The following CALB2 variants were observed in gnomAD, a reference collection of about 807,000 sequenced individuals.
CALB2 encodes calbindin 2.
Under a neutral mutation model 45.9 loss-of-function variants are expected in CALB2, and 34 were observed. That is an observed-to-expected ratio of 0.74 (90% CI 0.56 to 0.99). The LOEUF (loss-of-function observed/expected upper bound fraction) is 0.99. Among genes scored for constraint, CALB2 ranks in the 50% least tolerant of loss-of-function variants. The probability of loss-of-function intolerance (pLI) is 0.00; values close to 1 mark genes in which losing one functional copy is unlikely to be tolerated. For synonymous variants in CALB2, 142 were observed against 129.6 expected (o/e 1.10, Z -0.65); for missense variants, 344 against 339.3 (o/e 1.01, Z -0.11).
Position 71,384,949 on chromosome 16 carries a change from T to C in CALB2, c.627+113T>C, listed in dbSNP as rs2042553352. On this transcript the variant is annotated intron_variant, in intron 9 of 10. Transcript: ENST00000302628. Reference sequence around the variant, plus strand: ...CTTTCCAGGGGTGGCCTGGGCCGTGTGGTTTCTTCCTGCCGCATCTTCTGC... The same window carrying C: ...CTTTCCAGGGGTGGCCTGGGCCGTGCGGTTTCTTCCTGCCGCATCTTCTGC... The C allele has an allele frequency of 5.7e-6, 5 of 872,820 alleles. No homozygotes were observed. The Admixed American group carries it at 7.9e-5, about 14-fold the overall frequency. The allele number at this position is 872,820 out of a possible 1,614,324, so 54.1% of individuals were successfully genotyped here.
intron 10 of CALB2, among the ~76,000 whole-genome samples, chr16:71,387,249 C>CAAGAAACAAAAGTA (rs1322782614): frequency 2.6e-5 from 4 of 152,148 alleles, no homozygotes; most frequent in Non-Finnish European, 5.9e-5. Context: ...AGCTTGACTC[C>CAAGAAACAAAAGTA]AAGTATGGAA....
At chr16:71,367,560 CT>C (rs1438558207) in intron 1 of CALB2, among the ~76,000 whole-genome samples, 7 of 152,112 alleles carry the variant, frequency 4.6e-5, no homozygotes, top group Admixed American at 6.5e-5. Context: ...AGTGTCCCTT[CT>C]GGGCCCTGCA....
At chr16:71,374,919 G>A (rs2042393723) in intron 3 of CALB2, 85 bp downstream of exon 3, 2 of 931,576 alleles carry the variant, frequency 2.1e-6, no homozygotes, top group South Asian at 1.4e-5. Flanking sequence ...TCCTGCTGAG[G>A]ATTGGAGTGA....
At chr16:71,359,896 C>T (rs983214867) in intron 1 of CALB2, among the ~76,000 whole-genome samples, 2 of 152,266 alleles carry the variant, frequency 1.3e-5, no homozygotes, top group African/African-American at 4.8e-5. Flanking sequence ...CTACCCTCCC[C>T]TCGGGTAGCT....
chr16:71,359,414 C>A (rs1422209557), intron 1 of CALB2, among the ~76,000 whole-genome samples: 1 of 152,196 alleles, frequency 6.6e-6, no homozygotes, highest in African/African-American at 2.4e-5. Context: ...GAACACCCCC[C>A]TGCTTCCTTT....
chr16:71,389,158 C>T (rs772298019), intron 10 of CALB2, among the ~76,000 whole-genome samples: 1 of 151,150 alleles, frequency 6.6e-6, no homozygotes, highest in Non-Finnish European at 1.5e-5. Context: ...ACTTCACTCC[C>T]GTCTAGGCCA....
chr16:71,380,676 C>A (rs62055052), intron 4 of CALB2, among the ~76,000 whole-genome samples: 3 of 151,866 alleles, frequency 2.0e-5, no homozygotes, highest in Non-Finnish European at 1.5e-5. Flanking sequence ...GAGACATGCC[C>A]GCCACGGTTT....
intron 1 of CALB2, among the ~76,000 whole-genome samples, chr16:71,369,956 C>G (rs1477855142): frequency 6.6e-6 from 1 of 152,146 alleles, no homozygotes; most frequent in African/African-American, 2.4e-5. Context: ...CTGTCCCTCA[C>G]TCCCCTACTT....
intron 4 of CALB2, among the ~76,000 whole-genome samples, chr16:71,379,769 G>A (rs1362437110): frequency 1.3e-5 from 2 of 151,442 alleles, no homozygotes; most frequent in African/African-American, 4.8e-5. Flanking sequence ...GTGGCAGCAA[G>A]CTCCCCTCCT....
rs1342467173 is a variant in CALB2, at chr16:71,388,310, G to C, written c.700-1439G>C. Among the ~76,000 whole-genome samples the C allele has an allele frequency of 9.0e-5, 13 of 144,204 alleles. No homozygotes were observed. The Admixed American group carries it at 9.1e-4, about 10-fold the overall frequency. 94.6% of individuals were successfully genotyped at this position (144,204 alleles called of 152,430 possible). A position where few individuals can be genotyped will look rare whatever the true frequency, so the allele number is the denominator to read the frequency against. On this transcript the variant is annotated intron_variant, in intron 10 of 10. Transcript: ENST00000302628. ...GATCACGCCATTGCATTCCAGCCTG[G>C]GTGACAAGAGCAAGACCTTATCTCA... is the stretch of plus-strand genomic sequence containing the variant.
intron 1 of CALB2, among the ~76,000 whole-genome samples, chr16:71,360,829 G>A (rs568717153): frequency 8.5e-5 from 13 of 152,304 alleles, no homozygotes; most frequent in African/African-American, 2.2e-4. Flanking sequence ...TGACTTTTCC[G>A]AGGTCATGGA....
chr16:71,360,567 C>T (rs2042228107), intron 1 of CALB2, among the ~76,000 whole-genome samples: 1 of 152,158 alleles, frequency 6.6e-6, no homozygotes, highest in Non-Finnish European at 1.5e-5. Context: ...TTGCATGATT[C>T]AAGGAAAGTT....
At chr16:71,379,939 G>C (rs1598170828) in intron 4 of CALB2, among the ~76,000 whole-genome samples, 1 of 152,302 alleles carries the variant, frequency 6.6e-6, no homozygotes, top group African/African-American at 2.4e-5. Flanking sequence ...GCTGATAATT[G>C]ACATTCTAGC....
At chr16:71,385,392 A>G (rs1174027871) in intron 9 of CALB2, 185 bp from the exon 10 acceptor site, 1 of 490,250 alleles carries the variant, frequency 2.0e-6, no homozygotes, top group African/African-American at 1.9e-5. Context: ...GCTTGCACCC[A>G]CTGCCACCTT....
At chr16:71,379,815 G>A (rs2042466018) in intron 4 of CALB2, among the ~76,000 whole-genome samples, 1 of 152,126 alleles carries the variant, frequency 6.6e-6, no homozygotes, top group African/African-American at 2.4e-5. Flanking sequence ...CAGTTCTCAG[G>A]GTGGAACAGT....
chr16:71,383,524 C>G (rs2042525744), intron 6 of CALB2, 80 bp downstream of exon 6: 12 of 1,279,842 alleles, frequency 9.4e-6, no homozygotes, highest in Non-Finnish European at 1.3e-5. Context: ...GTGCAGGGTC[C>G]CTTGTTTGCT....
Position 71,364,300 on chromosome 16 carries a change from C to T in CALB2, c.94+5414C>T, listed in dbSNP as rs143562496. 6.2e-4 allele frequency among the ~76,000 whole-genome samples: 94 copies of T among 152,236 alleles called. 1 individual carries two copies. The East Asian group carries it at 0.015, about 24-fold the overall frequency. On this transcript the variant is annotated intron_variant, in intron 1 of 10. Coordinates refer to ENST00000302628, the MANE Select transcript of CALB2 (RefSeq NM_001740.5). ...ATTGCCTTGATATTGACAGCCAGGC[C>T]GGCTGTCCCTGCCCTGCTCAGCTTG...
intron 10 of CALB2, among the ~76,000 whole-genome samples, chr16:71,387,637 C>T (rs552605314): frequency 5.3e-5 from 8 of 152,260 alleles, no homozygotes; most frequent in African/African-American, 1.9e-4. Context: ...CTCACTAGAG[C>T]CTTCCCCAGT....
intron 1 of CALB2, among the ~76,000 whole-genome samples, chr16:71,360,666 C>T (rs2042228794): frequency 6.6e-6 from 1 of 152,200 alleles, no homozygotes; most frequent in African/African-American, 2.4e-5. Context: ...CCCCCATTCT[C>T]AGAGGGACAA....
Sources: gnomAD v4.1 joint callset for allele counts (sites outside exome capture counted in the v4.1 genomes callset) on GRCh38, gnomAD v4.1.1 for gene constraint, MANE v1.5 for transcripts, NCBI Gene and HGNC (gene_info 2026-07-23, HGNC 2026-07-21) for gene names.